The following MAP2K5 variants were observed in gnomAD, a reference collection of about 807,000 sequenced individuals.
MAP2K5 encodes mitogen-activated protein kinase kinase 5.
A neutral mutation model predicts 83.1 loss-of-function variants in MAP2K5; 49 were observed. That is an observed-to-expected ratio of 0.59 (90% CI 0.47 to 0.75). The LOEUF (loss-of-function observed/expected upper bound fraction) is 0.75, where lower values mean the gene tolerates loss of function less well. MAP2K5 is among the 30% of genes least tolerant of loss of function. The pLI, the probability that MAP2K5 is intolerant of heterozygous loss-of-function variation, is 0.00. For synonymous variants in MAP2K5, 202 were observed against 191.8 expected (o/e 1.05, Z -0.44); for missense variants, 457 against 557.5 (o/e 0.82, Z 1.82).
At chr15:67,648,275 G>C (rs1431205804) in intron 11 of MAP2K5, among the ~76,000 whole-genome samples, 2 of 151,950 alleles carry the variant, frequency 1.3e-5, no homozygotes, top group Non-Finnish European at 2.9e-5. Flanking sequence ...TTTATCTTCT[G>C]TCTCTATGGA....
At chr15:67,727,772 A>T (rs2089132227) in intron 16 of MAP2K5, 144 bp from the exon 17 acceptor site, 1 of 734,742 alleles carries the variant, frequency 1.4e-6, no homozygotes, top group Admixed American at 2.0e-5. Flanking sequence ...ATGTAATTAC[A>T]GCAATAATTT....
intron 17 of MAP2K5, among the ~76,000 whole-genome samples, chr15:67,735,136 A>G (rs138268979): frequency 2.0e-5 from 3 of 152,330 alleles, no homozygotes; most frequent in African/African-American, 7.2e-5. Context: ...CCAGTGTCAA[A>G]TTCTTCTCCA....
intron 15 of MAP2K5, among the ~76,000 whole-genome samples, chr15:67,697,861 AAGAC>A (rs1403435112): frequency 9.2e-5 from 14 of 152,220 alleles, no homozygotes; most frequent in East Asian, 1.9e-4. Flanking sequence ...AATTAGGAAA[AAGAC>A]AGGGAGGTTT....
rs10584480 is a variant in MAP2K5 at position 67,589,783 on chromosome 15, ATGTGTGTG to A, written c.431+2896_431+2903del. On this transcript the variant is annotated intron_variant, in intron 6 of 21. Coordinates refer to ENST00000178640, the MANE Select transcript of MAP2K5 (RefSeq NM_145160.3). Reference sequence around the variant, plus strand: ...CCCAGAAAAAAATGTGTGTGTGTGTATGTGTGTGTGTGTGTGTGTGTGTGTGTGTGTGT... The same window carrying A: ...CCCAGAAAAAAATGTGTGTGTGTGTATGTGTGTGTGTGTGTGTGTGTGTGT... Among the ~76,000 whole-genome samples, 846 of 150,232 alleles carry A rather than the reference ATGTGTGTG, an allele frequency of 5.6e-3. 10 individuals are homozygous for A. Among genetic ancestry groups the A allele is most frequent in the African/African-American group, 0.019 (779 of 40,794 alleles).
Position 67,801,216 on chromosome 15 carries a change from C to G in MAP2K5, c.1243-5430C>G, listed in dbSNP as rs1336331905. 1.3e-5 allele frequency among the ~76,000 whole-genome samples: 2 copies of G among 152,136 alleles called. No homozygotes were observed. The highest frequency in any genetic ancestry group is 2.1e-4 in the South Asian group (1 of 4,824). On this transcript the variant is annotated intron_variant, in intron 21 of 21. Transcript: ENST00000178640. This position sits in a 1 kb window ranked among gnomAD's most constrained non-coding sequence, Gnocchi z 4.8. ...GAGCCTTCAAGCAAGGCTCACAGGT[C>G]CAGCAATGAAAGGCAAAGGGATGGG...
chr15:67,763,030 T>G (rs747665486), intron 19 of MAP2K5, among the ~76,000 whole-genome samples: 1 of 152,132 alleles, frequency 6.6e-6, no homozygotes, highest in African/African-American at 2.4e-5. Context: ...AGTGTGGAAA[T>G]TGAATCATCT....
At chr15:67,548,918 A>G in intron 1 of MAP2K5, 3 of 845,836 alleles carry the variant, frequency 3.5e-6, no homozygotes, top group Non-Finnish European at 3.3e-6. Context: ...TTTTTGAAAA[A>G]AAAAAAAAGC....
intron 15 of MAP2K5, among the ~76,000 whole-genome samples, chr15:67,696,121 G>A (rs1291137744): frequency 1.0e-5 from 1 of 96,976 alleles, no homozygotes; most frequent in Non-Finnish European, 2.0e-5. Flanking sequence ...AGAGAAAAGA[G>A]CTGAGCTTTT....
intron 13 of MAP2K5, among the ~76,000 whole-genome samples, chr15:67,689,880 A>T (rs1366010407): frequency 6.6e-6 from 1 of 152,142 alleles, no homozygotes; most frequent in African/African-American, 2.4e-5. Context: ...TCTCCATCTG[A>T]TATGGTAGCT....
chr15:67,757,813 T>C lies in MAP2K5; in HGVS notation c.1134+9212T>C, dbSNP rs747196827. Among the ~76,000 whole-genome samples the C allele has an allele frequency of 6.6e-5, 10 of 152,120 alleles. No homozygotes were observed. Among genetic ancestry groups the C allele is most frequent in the Non-Finnish European group, 1.5e-4 (10 of 68,026 alleles). On this transcript the variant is annotated intron_variant, in intron 19 of 21. Transcript: ENST00000178640. The surrounding 1 kb of genome is among the most constrained non-coding windows in gnomAD (Gnocchi z 4.9). ...TGGTATTTAATGATGTTTGTAGCCA[T>C]ATAAATTCTATAATTAAAGTGTGGC...
chr15:67,710,207 T>C (rs1164983912), intron 16 of MAP2K5, among the ~76,000 whole-genome samples: 1 of 152,220 alleles, frequency 6.6e-6, no homozygotes, highest in East Asian at 1.9e-4. Context: ...TTTGCTCTTT[T>C]CACTTGGATC....
chr15:67,704,950 T>C (rs1469125287), intron 16 of MAP2K5, among the ~76,000 whole-genome samples: 2 of 152,230 alleles, frequency 1.3e-5, no homozygotes, highest in Non-Finnish European at 2.9e-5. Flanking sequence ...GGTTTGCTAC[T>C]AGTTTTTTAG....
intron 17 of MAP2K5, among the ~76,000 whole-genome samples, chr15:67,737,720 G>A (rs2089373247): frequency 6.6e-6 from 1 of 152,050 alleles, no homozygotes; most frequent in Admixed American, 6.6e-5. Flanking sequence ...CATCTCCAAG[G>A]AATTTTGGGA....
At chr15:67,798,950 C>CA (rs2090653896) in intron 21 of MAP2K5, among the ~76,000 whole-genome samples, 1 of 152,206 alleles carries the variant, frequency 6.6e-6, no homozygotes, top group African/African-American at 2.4e-5. Flanking sequence ...GCAGGTGCAT[C>CA]ACGAGGTCAG....
In MAP2K5 at chr15:67,668,242, A is replaced by G. The variant is rs1200662911; in HGVS notation, c.847+3597A>G. On this transcript the variant is annotated intron_variant, in intron 13 of 21. Coordinates refer to ENST00000178640, the MANE Select transcript of MAP2K5 (RefSeq NM_145160.3). The surrounding 1 kb of genome is among the most constrained non-coding windows in gnomAD (Gnocchi z 4.0). ...TTTATTCAGTTAATAAGAATACACC[A>G]CTCCAAAACCAAGCCAGGGAGAGAG... Among the ~76,000 whole-genome samples, 1 of 152,148 alleles carries G rather than the reference A, an allele frequency of 6.6e-6. No homozygotes were observed. Among genetic ancestry groups the G allele is most frequent in the Admixed American group, 6.6e-5 (1 of 15,258 alleles).
At chr15:67,718,443 G>T (rs1272974519) in intron 16 of MAP2K5, among the ~76,000 whole-genome samples, 1 of 152,046 alleles carries the variant, frequency 6.6e-6, no homozygotes, top group African/African-American at 2.4e-5. Context: ...TGGGGTTTGG[G>T]GCAGTTAACT....
intron 17 of MAP2K5, among the ~76,000 whole-genome samples, chr15:67,735,967 G>A (rs1161270124): frequency 6.6e-6 from 1 of 152,132 alleles, no homozygotes; most frequent in Non-Finnish European, 1.5e-5. Flanking sequence ...TCCAAAGGAG[G>A]TTCATCTGGT....
rs2090198269 is a variant in MAP2K5, at chr15:67,774,229, C to G, written c.1242+1477C>G. ...AGAGAACATAGGTATTTAGATATAT[C>G]TCTTTACAACTCTATACCCTGTTGT... On this transcript the variant is annotated intron_variant, in intron 21 of 21. Transcript: ENST00000178640. The surrounding 1 kb of genome is among the most constrained non-coding windows in gnomAD (Gnocchi z 4.9). 6.6e-6 allele frequency among the ~76,000 whole-genome samples: 1 copy of G among 151,690 alleles called. No homozygotes were observed. The highest frequency in any genetic ancestry group is 1.5e-5 in the Non-Finnish European group (1 of 67,972).
At chr15:67,664,355 G>T (rs1245317386) in intron 12 of MAP2K5, among the ~76,000 whole-genome samples, 1 of 31,060 alleles carries the variant, frequency 3.2e-5, no homozygotes, top group Admixed American at 2.7e-4. Context: ...AAAAAAAAAA[G>T]CTAGGCATGA....
Sources: gnomAD v4.1 joint callset for allele counts (sites outside exome capture counted in the v4.1 genomes callset) on GRCh38, gnomAD v4.1.1 for gene constraint, Gnocchi (gnomAD v3.1) non-coding constraint, MANE v1.5 for transcripts, NCBI Gene and HGNC (gene_info 2026-07-23, HGNC 2026-07-21) for gene names.